Variants in FBXL17 observed in about 807,000 individuals in gnomAD.
FBXL17 encodes the protein F-box/LRR-repeat protein 17.
Under a neutral mutation model 66.2 loss-of-function variants are expected in FBXL17, and 22 were observed. The observed-to-expected ratio is 0.33, with a 90% confidence interval of 0.24 to 0.47. The LOEUF is 0.47. Ranked by LOEUF, FBXL17 falls within the 20% of genes least tolerant of loss-of-function variation. The pLI, the probability that FBXL17 is intolerant of heterozygous loss-of-function variation, is 1.00. For synonymous variants in FBXL17, 474 were observed against 400.5 expected, an observed-to-expected ratio of 1.18 and a Z score of -2.19; for missense variants, 878 against 948.2, an observed-to-expected ratio of 0.93 and a Z score of 0.97.
chr5:107,877,879 G>T (rs1748659214), intron 8 of FBXL17, among the ~76,000 whole-genome samples: 2 of 152,140 alleles, frequency 1.3e-5, no homozygotes, highest in South Asian at 4.2e-4. Flanking sequence ...GATGATCACA[G>T]ACTGCCAGGA....
chr5:107,994,489 T>C (rs954132715), intron 7 of FBXL17, among the ~76,000 whole-genome samples: 3 of 152,124 alleles, frequency 2.0e-5, no homozygotes, highest in African/African-American at 7.2e-5. Flanking sequence ...AGGCTGAAGA[T>C]AGCATTAAAA....
At chr5:108,066,018 A>G (rs1748103743) in intron 6 of FBXL17, among the ~76,000 whole-genome samples, 1 of 152,162 alleles carries the variant, frequency 6.6e-6, no homozygotes. Flanking sequence ...ATCGAAGGTT[A>G]GGTTTATGGA....
chr5:108,125,813 T>C (rs1750675401), intron 6 of FBXL17, among the ~76,000 whole-genome samples: 1 of 152,140 alleles, frequency 6.6e-6, no homozygotes, highest in African/African-American at 2.4e-5. Flanking sequence ...TATTCATTTG[T>C]GTTTATATTC....
intron 4 of FBXL17, among the ~76,000 whole-genome samples, chr5:108,344,923 G>A (rs988436): frequency 6.6e-6 from 1 of 152,162 alleles, no homozygotes; most frequent in Non-Finnish European, 1.5e-5. Context: ...TCAAATCTAT[G>A]TGTATAGTCG....
At chr5:107,863,123 CA>C (rs1748174757) in intron 8 of FBXL17, among the ~76,000 whole-genome samples, 1 of 151,274 alleles carries the variant, frequency 6.6e-6, no homozygotes, top group African/African-American at 2.4e-5. Context: ...GTTTTATTTT[CA>C]AAAGCTAAAA....
intron 6 of FBXL17, among the ~76,000 whole-genome samples, chr5:108,021,600 C>A (rs910451888): frequency 2.6e-5 from 4 of 151,228 alleles, no homozygotes; most frequent in Non-Finnish European, 5.9e-5. Context: ...GCCATTTTAA[C>A]AATATAGATA....
intron 3 of FBXL17, among the ~76,000 whole-genome samples, chr5:108,357,470 C>T (rs904390559): frequency 8.6e-5 from 13 of 151,960 alleles, no homozygotes; most frequent in African/African-American, 3.1e-4. Flanking sequence ...CTCAATAAAA[C>T]CATTAATTGA....
chr5:108,133,597 C>A (rs1289097205), intron 6 of FBXL17, among the ~76,000 whole-genome samples: 1 of 151,816 alleles, frequency 6.6e-6, no homozygotes, highest in African/African-American at 2.4e-5. Flanking sequence ...ATCAAGACAG[C>A]ATGCAGAGAT....
chr5:108,155,378 G>A (rs1751954413), intron 6 of FBXL17, among the ~76,000 whole-genome samples: 1 of 152,118 alleles, frequency 6.6e-6, no homozygotes, highest in African/African-American at 2.4e-5. Context: ...AGCCGGGCGT[G>A]GTGGCACGTG....
In FBXL17 at chr5:108,168,716, A is replaced by C. The variant is rs1320499288; in HGVS notation, c.1745+17401T>G. On this transcript the variant is annotated intron_variant, in intron 6 of 8. Coordinates refer to ENST00000542267, the MANE Select transcript of FBXL17 (RefSeq NM_001163315.3). Reference sequence around the variant, plus strand: ...GATTTAGGATTTCCTACCACTTTGCATTACTATTCCATGTTCTCTCCCATG... The same window carrying C: ...GATTTAGGATTTCCTACCACTTTGCCTTACTATTCCATGTTCTCTCCCATG... Among the ~76,000 whole-genome samples, 9 of 152,288 alleles carry C rather than the reference A, an allele frequency of 5.9e-5. No individual in the cohort carries two copies. In the South Asian group the frequency reaches 1.9e-3, roughly 32 times the overall value.
At chr5:108,071,807 T>C (rs1748345009) in intron 6 of FBXL17, among the ~76,000 whole-genome samples, 1 of 152,274 alleles carries the variant, frequency 6.6e-6, no homozygotes, top group South Asian at 2.1e-4. Context: ...TACTCATTGG[T>C]ATGTTATTGG....
intron 4 of FBXL17, among the ~76,000 whole-genome samples, chr5:108,289,573 G>C (rs895150333): frequency 6.6e-6 from 1 of 152,120 alleles, no homozygotes; most frequent in Admixed American, 6.6e-5. Context: ...GGACTATAAA[G>C]ATGCAAAATG....
intron 7 of FBXL17, among the ~76,000 whole-genome samples, chr5:108,018,338 T>C (rs1027327986): frequency 2.6e-5 from 4 of 152,144 alleles, no homozygotes; most frequent in Non-Finnish European, 5.9e-5. Flanking sequence ...TTTGTAATAA[T>C]AGGGTAGGGG....
intron 4 of FBXL17, among the ~76,000 whole-genome samples, chr5:108,310,135 C>T (rs1283470965): frequency 6.6e-6 from 1 of 152,098 alleles, no homozygotes; most frequent in Non-Finnish European, 1.5e-5. Context: ...TCTTCCTAAG[C>T]ATCACCAGGA....
chr5:108,132,848 A>G (rs1245759648), intron 6 of FBXL17, among the ~76,000 whole-genome samples: 4 of 152,190 alleles, frequency 2.6e-5, no homozygotes, highest in Admixed American at 2.6e-4. Context: ...CCCACACTCC[A>G]TATTTCTAAA....
At chr5:108,062,220 A>G (rs1487871548) in intron 6 of FBXL17, among the ~76,000 whole-genome samples, 2 of 152,080 alleles carry the variant, frequency 1.3e-5, no homozygotes, top group African/African-American at 4.8e-5. Context: ...CAGAAGGTAC[A>G]TTCAGTAGTA....
chr5:108,109,272 C>G (rs779640847), intron 6 of FBXL17, among the ~76,000 whole-genome samples: 2 of 152,068 alleles, frequency 1.3e-5, no homozygotes, highest in Non-Finnish European at 2.9e-5. Context: ...CTCACCTTCC[C>G]CACATCCTTT....
intron 4 of FBXL17, among the ~76,000 whole-genome samples, chr5:108,295,859 A>G (rs2150169876): frequency 6.6e-6 from 1 of 151,928 alleles, no homozygotes; most frequent in Middle Eastern, 3.4e-3. Flanking sequence ...CTAGCGAGTG[A>G]CATTCTAAGG....
chr5:108,284,507 A>T (rs1057019194), intron 4 of FBXL17, among the ~76,000 whole-genome samples: 1 of 151,824 alleles, frequency 6.6e-6, no homozygotes, highest in Non-Finnish European at 1.5e-5. Flanking sequence ...ATGAGCTCTC[A>T]TGGATGTAGA....
Sources: gnomAD v4.1 joint callset for allele counts (sites outside exome capture counted in the v4.1 genomes callset) on GRCh38, gnomAD v4.1.1 for gene constraint, MANE v1.5 for transcripts, NCBI Gene and HGNC (gene_info 2026-07-23, HGNC 2026-07-21) for gene names.